Variants in PPHLN1 observed in about 807,000 individuals in gnomAD.
PPHLN1 encodes periphilin-1.
A neutral mutation model predicts 51.3 loss-of-function variants in PPHLN1; 29 were observed. The observed-to-expected ratio is 0.57, with a 90% CI of 0.42 to 0.77. PPHLN1 has a LOEUF of 0.77. PPHLN1 is among the 30% of genes least tolerant of loss of function. PPHLN1 has a pLI of 0.00. For synonymous variants in PPHLN1, 147 were observed against 147.8 expected (o/e 0.99, Z 0.04); for missense variants, 436 against 438.4 (o/e 0.99, Z 0.05).
chr12:42,425,770 A>G (rs1023943248), intron 9 of PPHLN1, among the ~76,000 whole-genome samples: 5 of 152,208 alleles, frequency 3.3e-5, no homozygotes, highest in Admixed American at 2.0e-4. Flanking sequence ...AGCAAGGGAC[A>G]AAGTCATCCA....
intron 9 of PPHLN1, among the ~76,000 whole-genome samples, chr12:42,428,510 C>A (rs2081707155): frequency 1.3e-5 from 2 of 152,110 alleles, no homozygotes; most frequent in Non-Finnish European, 2.9e-5. Context: ...GTCACTAACT[C>A]AGGAATGGAA....
chr12:42,389,694 T>G (rs759623743), intron 7 of PPHLN1, among the ~76,000 whole-genome samples: 134 of 152,260 alleles, frequency 8.8e-4, no homozygotes, highest in Non-Finnish European at 1.5e-3. Context: ...TTAGTACTTA[T>G]TGCTGCAACC....
intron 9 of PPHLN1, among the ~76,000 whole-genome samples, chr12:42,414,121 C>A (rs1158122571): frequency 6.6e-6 from 1 of 152,108 alleles, no homozygotes; most frequent in Non-Finnish European, 1.5e-5. Context: ...ACTGCAATCT[C>A]CGCCTCCCTG....
chr12:42,350,810 A>G (rs2073225762), intron 2 of PPHLN1, among the ~76,000 whole-genome samples: 1 of 152,178 alleles, frequency 6.6e-6, no homozygotes, highest in Admixed American at 6.5e-5. Context: ...CAAAAAATAC[A>G]AAAACCAGTC....
chr12:42,438,209 A>T (rs2082646258), intron 9 of PPHLN1, among the ~76,000 whole-genome samples: 1 of 152,182 alleles, frequency 6.6e-6, no homozygotes. Context: ...GCTGGATTGT[A>T]TGGTAAGACT....
chr12:42,400,798 TCACACACACACACA>T (rs67724902), intron 9 of PPHLN1, among the ~76,000 whole-genome samples: 2 of 142,522 alleles, frequency 1.4e-5, no homozygotes, highest in African/African-American at 2.6e-5. Flanking sequence ...TCTCTCTCTT[TCACACACACACACA>T]CACACACACA....
Position 42,351,870 on chromosome 12 carries a change from T to C in PPHLN1, c.73-15T>C. ...AAATTAGTCATTTGTATATATTTCT[T>C]TTTGTCTGTTTTAGGATGGCTACAA... On this transcript the variant is annotated splice_polypyrimidine_tract_variant and intron_variant, in intron 2 of 9. Transcript: ENST00000358314. 4 of 1,536,900 alleles carry C rather than the reference T, an allele frequency of 2.6e-6. No individual in the cohort carries two copies. The highest frequency in any genetic ancestry group is 3.5e-6 in the Non-Finnish European group (4 of 1,152,926).
intron 4 of PPHLN1, 70 bp downstream of exon 4, chr12:42,355,292 T>A: frequency 7.7e-7 from 1 of 1,303,488 alleles, no homozygotes; most frequent in South Asian, 1.2e-5. Context: ...TTTGGAAATA[T>A]AGACTCAAGG....
intron 9 of PPHLN1, among the ~76,000 whole-genome samples, chr12:42,427,907 C>G (rs1292397638): frequency 6.6e-6 from 1 of 151,812 alleles, no homozygotes; most frequent in Non-Finnish European, 1.5e-5. Context: ...TCAATCAAAT[C>G]AGCAAGAAAA....
rs2076126008 is a variant in PPHLN1, at chr12:42,374,907, A to G, written c.344A>G (p.His115Arg). 1.2e-6 allele frequency: 2 copies of G among 1,612,992 alleles called. No homozygotes were observed. Among genetic ancestry groups the G allele is most frequent in the South Asian group, 1.1e-5 (1 of 91,036 alleles). ...GFRRKSFYSSHYARERSPYKR... is the reference protein window; with the variant it reads ...GFRRKSFYSSRYARERSPYKR... The stretch of plus-strand genomic sequence containing the variant: ...AGAAGAAAAAGTTTCTACTCTTCCC[A>G]TTATGCGAGAGAGCGGTCTCCTTAT... Residue 115 changes from histidine to arginine, a missense_variant, in exon 5 of 10, where the codon CAT becomes CGT. Coordinates refer to ENST00000358314, the MANE Select transcript of PPHLN1 (RefSeq NM_201439.2).
intron 4 of PPHLN1, among the ~76,000 whole-genome samples, chr12:42,372,616 G>A (rs957719765): frequency 4.6e-5 from 7 of 152,058 alleles, no homozygotes; most frequent in East Asian, 1.9e-4. Flanking sequence ...TCTCTTCATG[G>A]TAGAGTTTTT....
intron 4 of PPHLN1, among the ~76,000 whole-genome samples, chr12:42,367,038 T>G (rs1426014852): frequency 6.6e-6 from 1 of 152,228 alleles, no homozygotes; most frequent in Non-Finnish European, 1.5e-5. Context: ...CACAAAATGT[T>G]GCAGAATGCT....
chr12:42,331,540 C>G (rs562076098), intron 1 of PPHLN1, among the ~76,000 whole-genome samples: 1 of 152,298 alleles, frequency 6.6e-6, no homozygotes, highest in African/African-American at 2.4e-5. Flanking sequence ...GTGGAGTGCT[C>G]TAAGAAAGGC....
chr12:42,373,495 C>G (rs138154770), intron 4 of PPHLN1, among the ~76,000 whole-genome samples: 1 of 152,278 alleles, frequency 6.6e-6, no homozygotes, highest in African/African-American at 2.4e-5. Context: ...TATGGACTGC[C>G]AATCAAGATG....
chr12:42,441,599 G>A lies in PPHLN1; in HGVS notation c.*90G>A. ...TAAATCCTTAATATATGGAATTTTTGTGATGCAGAGAAATACTTTATGATA... is the reference window on the plus strand; with the variant it reads ...TAAATCCTTAATATATGGAATTTTTATGATGCAGAGAAATACTTTATGATA... On this transcript the variant is annotated 3_prime_UTR_variant, in exon 10 of 10. Coordinates refer to ENST00000358314, the MANE Select transcript of PPHLN1 (RefSeq NM_201439.2). 1 of 1,367,454 alleles carries A rather than the reference G, an allele frequency of 7.3e-7. No homozygotes were observed. Among genetic ancestry groups the A allele is most frequent in the Non-Finnish European group, 9.5e-7 (1 of 1,054,246 alleles). The allele number at this position is 1,367,454 out of a possible 1,614,324, so 84.7% of individuals were successfully genotyped here.
At chr12:42,396,479 C>T (rs1565929762) in intron 8 of PPHLN1, among the ~76,000 whole-genome samples, 1 of 151,796 alleles carries the variant, frequency 6.6e-6, no homozygotes, top group South Asian at 2.1e-4. Flanking sequence ...TGAGAGTTTT[C>T]TTTTGGTTGT....
intron 9 of PPHLN1, among the ~76,000 whole-genome samples, chr12:42,436,005 A>G (rs1330776559): frequency 6.6e-6 from 1 of 152,254 alleles, no homozygotes; most frequent in East Asian, 1.9e-4. Flanking sequence ...TAAAAATAAA[A>G]TATAGTCACA....
At chr12:42,438,581 C>T (rs2082675053) in intron 9 of PPHLN1, among the ~76,000 whole-genome samples, 1 of 151,904 alleles carries the variant, frequency 6.6e-6, no homozygotes, top group Admixed American at 6.6e-5. Context: ...TGGGTTGTTT[C>T]TTACTGTTTT....
At chr12:42,382,116 C>CA (rs2076805243) in intron 5 of PPHLN1, among the ~76,000 whole-genome samples, 1 of 151,966 alleles carries the variant, frequency 6.6e-6, no homozygotes, top group South Asian at 2.1e-4. Flanking sequence ...CGCAGGAAAA[C>CA]ACAGCAGCAA....
Sources: allele counts gnomAD v4.1 joint callset (sites outside exome capture counted in the v4.1 genomes callset), GRCh38; gene constraint gnomAD v4.1.1; transcripts MANE v1.5; gene names NCBI Gene and HGNC (gene_info 2026-07-23, HGNC 2026-07-21).